SMC1B: variants seen among roughly 807,000 people sequenced by gnomAD.
The protein encoded by SMC1B is structural maintenance of chromosomes protein 1B.
In SMC1B, 60 loss-of-function variants were observed where a neutral mutation model predicts 157.9. The ratio of observed to expected loss-of-function variants is 0.38; its 90% CI spans 0.31 to 0.47. The LOEUF is 0.47. Among genes scored for constraint, SMC1B ranks in the 20% least tolerant of loss-of-function variants. The pLI is 0.99. For missense variants in SMC1B, 1,165 were observed against 1,426.2 expected (o/e 0.82, Z 2.95); for synonymous variants, 445 against 483.0 (o/e 0.92, Z 1.03).
At position 45,344,571 on chromosome 22, in the gene SMC1B, G is replaced by A. The variant is rs1223265334; in HGVS notation, c.3693C>T (p.His1231=). ...AGGACTGCCCCTAGCGGGACTCTCC[G>A]TGTCTCTTGCTGCTTTCTTGGCCTT... ...DTEGQESSKR[H]GESR Residue 1231 remains histidine, a synonymous_variant, in exon 25 of 25, where the codon CAC becomes CAT. Transcript: ENST00000357450. 71 of 1,613,414 alleles carry A rather than the reference G, an allele frequency of 4.4e-5. No individual in the cohort carries two copies. Among genetic ancestry groups the A allele is most frequent in the African/African-American group, 5.3e-5 (4 of 74,914 alleles).
Position 45,344,652 on chromosome 22 carries a change from A to G in SMC1B, c.3612T>C (p.Asp1204=), listed in dbSNP as rs1334487908. The G allele has an allele frequency of 1.9e-6, 3 of 1,612,280 alleles. No homozygotes were observed. The East Asian group carries it at 6.7e-5, about 36-fold the overall frequency. ...DALIGIYPEY[D]DCMFSRVLTL... Reference sequence around the variant, plus strand: ...TCAAAACTCGGCTGAACATGCAGTCATCGTACTAAAATGGAGAGAAGACAG... The same window carrying G: ...TCAAAACTCGGCTGAACATGCAGTCGTCGTACTAAAATGGAGAGAAGACAG... The change falls in exon 25 of 25, where the codon GAT becomes GAC. Residue 1204 remains aspartate, a synonymous_variant. Coordinates refer to ENST00000357450, the MANE Select transcript of SMC1B (RefSeq NM_148674.5).
chr22:45,402,271 T>C (rs1569198267), intron 5 of SMC1B, 62 bp downstream of exon 5: 3 of 1,077,432 alleles, frequency 2.8e-6, no homozygotes, highest in Admixed American at 2.1e-5. Context: ...GTGTCACTTA[T>C]ATTATTCCCT....
chr22:45,348,561 CTG>C (rs2086574961), intron 23 of SMC1B, among the ~76,000 whole-genome samples: 2 of 152,158 alleles, frequency 1.3e-5, no homozygotes, highest in African/African-American at 4.8e-5. Flanking sequence ...GGTGAGAAAC[CTG>C]TTATGCCAGC....
intron 12 of SMC1B, among the ~76,000 whole-genome samples, chr22:45,373,106 C>G (rs757908371): frequency 6.6e-6 from 1 of 152,214 alleles, no homozygotes; most frequent in East Asian, 1.9e-4. Context: ...CAACCCCCAG[C>G]TCCCAGTTCT....
chr22:45,391,231 A>G (rs1446236236), intron 9 of SMC1B, among the ~76,000 whole-genome samples: 1 of 151,882 alleles, frequency 6.6e-6, no homozygotes, highest in Non-Finnish European at 1.5e-5. Context: ...AATGCTTCTA[A>G]TTTGTTAATT....
At chr22:45,407,601 T>C (rs1403611986) in intron 2 of SMC1B, among the ~76,000 whole-genome samples, 4 of 152,104 alleles carry the variant, frequency 2.6e-5, no homozygotes, top group South Asian at 2.1e-4. Flanking sequence ...ACTGGGACTA[T>C]AGACTCACGC....
chr22:45,406,812 T>C lies in SMC1B; in HGVS notation c.352A>G (p.Ile118Val). 6.3e-7 allele frequency: 1 copy of C among 1,595,506 alleles called. No homozygotes were observed. ...ATGCCTATCTTTTCCAACTCTGCAATGTAAACAGAACGACTCACAAGATTA... is the reference window on the plus strand; with the variant it reads ...ATGCCTATCTTTTCCAACTCTGCAACGTAAACAGAACGACTCACAAGATTA... ...NDNLVSRSVY[I>V]AELEKIGIIV... The change falls in exon 3 of 25, where the codon ATT (isoleucine) becomes GTT (valine). Residue 118 changes from isoleucine (I) to valine (V), a missense_variant. Coordinates refer to ENST00000357450, the MANE Select transcript of SMC1B (RefSeq NM_148674.5).
chr22:45,406,571 A>G lies in SMC1B; in HGVS notation c.504T>C (p.Tyr168=), dbSNP rs569414761. 5.5e-4 allele frequency: 881 copies of G among 1,613,112 alleles called. 12 individuals are homozygous for G. The South Asian group carries it at 9.1e-3, about 17-fold the overall frequency. Residue 168 remains tyrosine, a synonymous_variant, in exon 4 of 25, where the codon TAT becomes TAC. Transcript: ENST00000357450. ...ISTSGELIGE[Y]EEKKRKLQKA... ...TTTGTAACTTTCTTTTCTTTTCTTCATATTCTCCTATAAGCTCTCCTGAAG... is the reference window on the plus strand; with the variant it reads ...TTTGTAACTTTCTTTTCTTTTCTTCGTATTCTCCTATAAGCTCTCCTGAAG...
intron 18 of SMC1B, among the ~76,000 whole-genome samples, chr22:45,359,131 G>A (rs1216980163): frequency 6.6e-6 from 1 of 152,174 alleles, no homozygotes; most frequent in Non-Finnish European, 1.5e-5. Context: ...AGGCATGCAT[G>A]TATATGGGAG....
rs1232882173 is a variant in SMC1B at position 45,362,911 on chromosome 22, T to C, written c.2536A>G (p.Ser846Gly). ...NTLKETIQKG[S>G]EDIDHLKKAE... ...TTCTTTAGGTGATCAATATCTTCAC[T>C]ACCTTTCTGGATAGTTTCTTTTAAT... is the stretch of plus-strand genomic sequence containing the variant. Residue 846 changes from serine to glycine, a missense_variant, in exon 16 of 25, where the codon AGT (serine) becomes GGT (glycine). By Grantham distance (56) the Ser-to-Gly change is moderately conservative. Coordinates refer to ENST00000357450, the MANE Select transcript of SMC1B (RefSeq NM_148674.5). The C allele has an allele frequency of 6.2e-7, 1 of 1,601,386 alleles. No individual in the cohort carries two copies. The highest frequency in any genetic ancestry group is 1.3e-5 in the African/African-American group (1 of 74,296).
At chr22:45,350,752 T>C (rs565628050) in intron 22 of SMC1B, among the ~76,000 whole-genome samples, 5 of 152,304 alleles carry the variant, frequency 3.3e-5, no homozygotes, top group Admixed American at 2.6e-4. Flanking sequence ...TCTAGTTGAT[T>C]AGGTCAAAAC....
At position 45,406,812 on chromosome 22, in the gene SMC1B, T is replaced by G. The variant is rs1488711334; in HGVS notation, c.352A>C (p.Ile118Leu). ...NDNLVSRSVY[I>L]AELEKIGIIV... ...ATGCCTATCTTTTCCAACTCTGCAA[T>G]GTAAACAGAACGACTCACAAGATTA... Residue 118 changes from isoleucine to leucine, a missense_variant, in exon 3 of 25, where the codon ATT (isoleucine) becomes CTT (leucine). Physicochemically the swap from Ile to Leu is conservative, Grantham distance 5. Transcript: ENST00000357450. 1 of 1,595,506 alleles carries G rather than the reference T, an allele frequency of 6.3e-7. No homozygotes were observed. The highest frequency in any genetic ancestry group is 1.4e-5 in the African/African-American group (1 of 73,774).
chr22:45,404,471 C>T (rs1249901581), intron 4 of SMC1B, among the ~76,000 whole-genome samples: 2 of 152,278 alleles, frequency 1.3e-5, no homozygotes, highest in South Asian at 2.1e-4. Flanking sequence ...CAGGAGACAA[C>T]CAACTAAGAG....
chr22:45,344,530 A>G lies in SMC1B; in HGVS notation c.*26T>C, dbSNP rs867385545. 8 of 1,523,356 alleles carry G rather than the reference A, an allele frequency of 5.3e-6. No homozygotes were observed. In the Middle Eastern group the frequency reaches 5.1e-4, roughly 97 times the overall value. 94.4% of individuals were successfully genotyped at this position (1,523,356 alleles called of 1,614,324 possible). A position where few individuals can be genotyped will look rare whatever the true frequency, so the allele number is the denominator to read the frequency against. ...GTATTAGAGTGGGAACTGAACAGTGATCAGGTGACTGCTGCAGGACTGCCC... is the reference window on the plus strand; with the variant it reads ...GTATTAGAGTGGGAACTGAACAGTGGTCAGGTGACTGCTGCAGGACTGCCC... On this transcript the variant is annotated 3_prime_UTR_variant, in exon 25 of 25. Coordinates refer to ENST00000357450, the MANE Select transcript of SMC1B (RefSeq NM_148674.5).
At chr22:45,365,845 C>T (rs1380571299) in intron 15 of SMC1B, among the ~76,000 whole-genome samples, 4 of 151,864 alleles carry the variant, frequency 2.6e-5, no homozygotes, top group Non-Finnish European at 5.9e-5. Flanking sequence ...AAACATAGAT[C>T]TCTATGGGAA....
chr22:45,389,001 A>AAAG (rs1376380581), intron 10 of SMC1B, among the ~76,000 whole-genome samples: 8 of 143,140 alleles, frequency 5.6e-5, no homozygotes, highest in South Asian at 2.1e-4. Flanking sequence ...AAAAAAAAAA[A>AAAG]AAAGAAAAAG....
intron 20 of SMC1B, 108 bp downstream of exon 20, chr22:45,354,851 A>G: frequency 9.8e-7 from 1 of 1,023,816 alleles, no homozygotes; most frequent in South Asian, 1.5e-5. Flanking sequence ...ACCACAGAGG[A>G]AAAAATCTAT....
chr22:45,377,515 G>A (rs1266607916), intron 12 of SMC1B, among the ~76,000 whole-genome samples: 1 of 151,830 alleles, frequency 6.6e-6, no homozygotes, highest in African/African-American at 2.4e-5. Context: ...GTGTGTGCCT[G>A]TAATCCCAGC....
At chr22:45,358,467 A>G (rs923329901) in intron 19 of SMC1B, among the ~76,000 whole-genome samples, 10 of 151,830 alleles carry the variant, frequency 6.6e-5, no homozygotes, top group Non-Finnish European at 1.0e-4. Flanking sequence ...TAATTGTAGA[A>G]CCCCCATTTG....
Sources: gnomAD v4.1 joint callset for allele counts (sites outside exome capture counted in the v4.1 genomes callset) on GRCh38, gnomAD v4.1.1 for gene constraint, MANE v1.5 for transcripts, NCBI Gene and HGNC (gene_info 2026-07-23, HGNC 2026-07-21) for gene names.